The following NOL4L variants were observed in gnomAD, a reference collection of about 807,000 sequenced individuals.
NOL4L encodes the protein nucleolar protein 4 like.
In NOL4L, 7 loss-of-function variants were observed where a neutral mutation model predicts 64.5. That is an observed-to-expected ratio of 0.11 (90% CI 0.06 to 0.20). The LOEUF (loss-of-function observed/expected upper bound fraction) is 0.20, where lower values mean the gene tolerates loss of function less well. Ranked by LOEUF, NOL4L falls within the 10% of genes least tolerant of loss-of-function variation. NOL4L has a pLI of 1.00. For synonymous variants in NOL4L, 413 were observed against 401.0 expected (o/e 1.03, Z -0.36); for missense variants, 680 against 967.1 (o/e 0.70, Z 3.94).
chr20:32,473,304 C>T lies in NOL4L; in HGVS notation c.841+1297G>A, dbSNP rs188507949. ...GTGGCCTCAATCGGCTCAGTTGAGG[C>T]GGGAGGTCAGCTGCTGCGCTTGTCC... On this transcript the variant is annotated intron_variant, in intron 5 of 10. Transcript: ENST00000621426. Among the ~76,000 whole-genome samples the T allele has an allele frequency of 5.7e-3, 869 of 152,256 alleles. 10 individuals carry two copies. The highest frequency in any genetic ancestry group is 0.02 in the African/African-American group (829 of 41,562).
chr20:32,447,354 C>T lies in NOL4L; in HGVS notation c.*242G>A, dbSNP rs1439048116. ...GGAGCCCCCAACCCTTCCAGAGCTG[C>T]CCCGTTGGCCTCTTCCAAGCAGGTC... On this transcript the variant is annotated 3_prime_UTR_variant, in exon 11 of 11. Coordinates refer to ENST00000621426, the MANE Select transcript of NOL4L (RefSeq NM_001256798.2). 2 of 599,446 alleles carry T rather than the reference C, an allele frequency of 3.3e-6. No individual in the cohort carries two copies. The highest frequency in any genetic ancestry group is 2.0e-5 in the African/African-American group (1 of 50,788). The allele number at this position is 599,446 out of a possible 1,614,324, so 37.1% of individuals were successfully genotyped here. A position where few individuals can be genotyped will look rare whatever the true frequency, so the allele number is the denominator to read the frequency against.
intron 1 of NOL4L, among the ~76,000 whole-genome samples, chr20:32,566,997 G>A (rs879355807): frequency 1.3e-5 from 2 of 152,222 alleles, no homozygotes; most frequent in Non-Finnish European, 1.5e-5. Context: ...AAGCTGGTGG[G>A]CCCCAGGCTG....
chr20:32,462,757 T>C (rs906129391), intron 5 of NOL4L, among the ~76,000 whole-genome samples: 2 of 151,492 alleles, frequency 1.3e-5, no homozygotes, highest in African/African-American at 4.9e-5. Flanking sequence ...ATACAAAAAT[T>C]AGCTGGGCGT....
In NOL4L at chr20:32,565,588, G is replaced by A. The variant is rs1307655093; in HGVS notation, c.321+18982C>T. Among the ~76,000 whole-genome samples, 3 of 152,170 alleles carry A rather than the reference G, an allele frequency of 2.0e-5. No homozygotes were observed. In the East Asian group the frequency reaches 5.8e-4, roughly 29 times the overall value. ...ATCAGCCCTGCCTCACTGTCAGCCT[G>A]GGCAAGTCACACATCCTCTCCAGGC... On this transcript the variant is annotated intron_variant, in intron 1 of 10. Coordinates refer to ENST00000621426, the MANE Select transcript of NOL4L (RefSeq NM_001256798.2).
intron 6 of NOL4L, among the ~76,000 whole-genome samples, chr20:32,454,906 A>G (rs1245189340): frequency 6.6e-6 from 1 of 152,220 alleles, no homozygotes; most frequent in Non-Finnish European, 1.5e-5. Flanking sequence ...CTGGTCCCAC[A>G]GCACGGCCCC....
intron 10 of NOL4L, among the ~76,000 whole-genome samples, 199 bp from the exon 11 acceptor site, chr20:32,448,015 A>C (rs2012476688): frequency 6.6e-6 from 1 of 152,158 alleles, no homozygotes; most frequent in African/African-American, 2.4e-5. Flanking sequence ...GGGTTCTCAG[A>C]GAATCCTCAG....
At chr20:32,557,467 T>C (rs1207910990) in intron 1 of NOL4L, among the ~76,000 whole-genome samples, 2 of 152,218 alleles carry the variant, frequency 1.3e-5, no homozygotes, top group South Asian at 2.1e-4. Flanking sequence ...AGCCAGCCTC[T>C]CCAAGTCTCC....
intron 5 of NOL4L, among the ~76,000 whole-genome samples, chr20:32,462,606 TAA>T (rs35238325): frequency 6.0e-5 from 9 of 150,726 alleles, no homozygotes; most frequent in East Asian, 5.9e-4. Flanking sequence ...CCACAACCCT[TAA>T]AAAAAAAATG....
At chr20:32,507,708 ATT>A (rs1166058677) in intron 4 of NOL4L, among the ~76,000 whole-genome samples, 4 of 152,220 alleles carry the variant, frequency 2.6e-5, no homozygotes, top group Non-Finnish European at 4.4e-5. Context: ...TTTGTTCAGC[ATT>A]AATAAAATAT....
intron 4 of NOL4L, among the ~76,000 whole-genome samples, chr20:32,500,510 C>G (rs1347827560): frequency 1.4e-5 from 2 of 144,968 alleles, no homozygotes; most frequent in South Asian, 2.2e-4. Flanking sequence ...CCTGCCACCA[C>G]GCCCAGCTAA....
chr20:32,530,948 A>T (rs1490438406), intron 1 of NOL4L, among the ~76,000 whole-genome samples: 1 of 152,198 alleles, frequency 6.6e-6, no homozygotes, highest in Non-Finnish European at 1.5e-5. Context: ...CAAAAACCTT[A>T]ACATTTATAA....
intron 4 of NOL4L, among the ~76,000 whole-genome samples, chr20:32,504,111 T>C (rs919387306): frequency 2.2e-4 from 34 of 152,208 alleles, no homozygotes; most frequent in Admixed American, 9.2e-4. Context: ...TTTATATGTA[T>C]ACATAAATCT....
At chr20:32,455,086 G>A (rs895008195) in intron 6 of NOL4L, among the ~76,000 whole-genome samples, 5 of 152,176 alleles carry the variant, frequency 3.3e-5, no homozygotes, top group Admixed American at 2.0e-4. Flanking sequence ...ACATTCCCAC[G>A]CCACTCCTCA....
At chr20:32,583,945 G>C (rs1366755679) in intron 1 of NOL4L, among the ~76,000 whole-genome samples, 1 of 148,238 alleles carries the variant, frequency 6.7e-6, no homozygotes, top group Admixed American at 6.6e-5. Context: ...CCCACCCGCG[G>C]GAGGCTGCTC....
At chr20:32,520,777 C>G in intron 3 of NOL4L, 34 bp downstream of exon 3, 1 of 1,381,268 alleles carries the variant, frequency 7.2e-7, no homozygotes, top group Non-Finnish European at 1.0e-6. Context: ...TAGATGGCCC[C>G]CGCCCTAGCC....
In NOL4L at chr20:32,463,845, A is replaced by G. The variant is rs2014308216; in HGVS notation, c.842-7450T>C. Reference sequence around the variant, plus strand: ...CCTCTCCCGGTGGGCGACTCCCACCAGCTCCCAGGCTAGGCTCGGAGAACG... The same window carrying G: ...CCTCTCCCGGTGGGCGACTCCCACCGGCTCCCAGGCTAGGCTCGGAGAACG... On this transcript the variant is annotated intron_variant, in intron 5 of 10. Coordinates refer to ENST00000621426, the MANE Select transcript of NOL4L (RefSeq NM_001256798.2). This position sits in a 1 kb window ranked among gnomAD's most constrained non-coding sequence, Gnocchi z 5.8. Among the ~76,000 whole-genome samples the G allele has an allele frequency of 6.6e-6, 1 of 151,896 alleles. No individual in the cohort carries two copies. Among genetic ancestry groups the G allele is most frequent in the Non-Finnish European group, 1.5e-5 (1 of 67,944 alleles).
At chr20:32,549,316 T>C (rs1248128472) in intron 1 of NOL4L, among the ~76,000 whole-genome samples, 3 of 152,182 alleles carry the variant, frequency 2.0e-5, no homozygotes, top group African/African-American at 7.2e-5. Flanking sequence ...TGAATAGATA[T>C]TTCTTCAATA....
intron 3 of NOL4L, among the ~76,000 whole-genome samples, chr20:32,513,223 C>A (rs944390491): frequency 7.9e-5 from 12 of 152,138 alleles, no homozygotes; most frequent in African/African-American, 2.9e-4. Flanking sequence ...TGCAGGGTGA[C>A]AGGGCCGAGG....
At position 32,584,594 on chromosome 20, in the gene NOL4L, C is replaced by A; in HGVS notation, c.297G>T (p.Val99=). ...SGREPKMGQV[V]YVPVKTGSGA... is the part of the protein sequence containing the mutation. Reference sequence around the variant, plus strand: ...CCGAGCCCGTCTTGACCGGCACATACACCACTTGGCCCATCTTGGGTTCCC... The same window carrying A: ...CCGAGCCCGTCTTGACCGGCACATAAACCACTTGGCCCATCTTGGGTTCCC... The change falls in exon 1 of 11, where the codon GTG becomes GTT. Residue 99 remains valine, a synonymous_variant. Transcript: ENST00000621426. The A allele has an allele frequency of 4.7e-6, 7 of 1,477,052 alleles. No individual in the cohort carries two copies. Among genetic ancestry groups the A allele is most frequent in the Non-Finnish European group, 6.3e-6 (7 of 1,103,942 alleles). 91.5% of individuals were successfully genotyped at this position (1,477,052 alleles called of 1,614,324 possible). A position where few individuals can be genotyped will look rare whatever the true frequency, so the allele number is the denominator to read the frequency against.
Sources: allele counts gnomAD v4.1 joint callset (sites outside exome capture counted in the v4.1 genomes callset), GRCh38; gene constraint gnomAD v4.1.1; non-coding constraint Gnocchi (gnomAD v3.1); transcripts MANE v1.5; gene names NCBI Gene and HGNC (gene_info 2026-07-23, HGNC 2026-07-21).